GRIP1: variants seen among roughly 807,000 people sequenced by gnomAD.
GRIP1 encodes the protein glutamate receptor interacting protein 1, also known as glutamate receptor-interacting protein 1.
Under a neutral mutation model 129.9 loss-of-function variants are expected in GRIP1, and 45 were observed. That is an observed-to-expected ratio of 0.35 (90% CI 0.27 to 0.44). GRIP1 has a LOEUF of 0.44. GRIP1 is among the 20% of genes least tolerant of loss of function. The probability of loss-of-function intolerance (pLI) is 1.00; values close to 1 mark genes in which losing one functional copy is unlikely to be tolerated. For synonymous variants in GRIP1, 530 were observed against 520.8 expected, an observed-to-expected ratio of 1.02 and a Z score of -0.24; for missense variants, 1,196 against 1,396.8, an observed-to-expected ratio of 0.86 and a Z score of 2.29.
At chr12:66,660,832 G>C (rs2033453893) in intron 1 of GRIP1, among the ~76,000 whole-genome samples, 2 of 152,096 alleles carry the variant, frequency 1.3e-5, no homozygotes, top group South Asian at 4.1e-4. Flanking sequence ...ATGCCCATTA[G>C]AGTAGTGGCT....
At position 66,406,408 on chromosome 12, in the gene GRIP1, C is replaced by T; in HGVS notation, c.1859G>A (p.Gly620Glu). The change falls in exon 16 of 25, where the codon GGG (glycine) becomes GAG (glutamate). Residue 620 changes from glycine (G) to glutamate (E), a missense_variant. This residue lies in a region of GRIP1 where 508 missense variants were observed against 587.0 expected (regional missense o/e 0.87). Transcript: ENST00000359742. ...VAHRTGTLEL[G>E]DKLLAIDNIR... ...ATTATCTATTGCGAGCAATTTATCC[C>T]CAAGTTCCAGGGTCCCAGTTCTGTT... 1.2e-6 allele frequency: 2 copies of T among 1,614,098 alleles called. No individual in the cohort carries two copies. Among genetic ancestry groups the T allele is most frequent in the Non-Finnish European group, 1.7e-6 (2 of 1,179,988 alleles).
In GRIP1 at chr12:66,465,314, A is replaced by G. The variant is rs757656246; in HGVS notation, c.833T>C (p.Ile278Thr). 1 of 1,614,024 alleles carries G rather than the reference A, an allele frequency of 6.2e-7. No homozygotes were observed. Among genetic ancestry groups the G allele is most frequent in the Non-Finnish European group, 8.5e-7 (1 of 1,179,872 alleles). Residue 278 changes from isoleucine to threonine, a missense_variant, in exon 8 of 25, where the codon ATT (isoleucine) becomes ACT (threonine). By Grantham distance (89) the Ile-to-Thr change is moderately conservative (BLOSUM62 -1). Around this residue, in one of 5 missense-constraint regions of GRIP1, gnomAD observed 508 missense variants for 587.0 expected, o/e 0.87. Coordinates refer to ENST00000359742, the MANE Select transcript of GRIP1 (RefSeq NM_001366722.1). ...TGCAGATTTGATTTTGTCTATGACA[A>G]TGACTTGTTTGTTACAGCACATCGA... Reference protein sequence around the residue: ...TTSMCCNKQVIVIDKIKSASI... With the variant: ...TTSMCCNKQVTVIDKIKSASI...
intron 1 of GRIP1, among the ~76,000 whole-genome samples, chr12:66,706,459 G>A (rs189630972): frequency 2.6e-5 from 4 of 152,190 alleles, no homozygotes; most frequent in African/African-American, 7.2e-5. Flanking sequence ...ACAGTATGGC[G>A]ATTCCTCAAG....
chr12:66,989,032 C>G (rs959075956), intron 1 of GRIP1, among the ~76,000 whole-genome samples: 25 of 152,130 alleles, frequency 1.6e-4, no homozygotes, highest in Non-Finnish European at 5.9e-5. Flanking sequence ...GTGCAAAATT[C>G]CACCTTCTCA....
chr12:66,454,849 A>G (rs1378343609), intron 11 of GRIP1, among the ~76,000 whole-genome samples: 2 of 152,210 alleles, frequency 1.3e-5, no homozygotes, highest in Non-Finnish European at 2.9e-5. Flanking sequence ...CTTCTGGAAA[A>G]AGTATTGGAG....
chr12:66,608,392 G>A (rs1299691909), intron 1 of GRIP1, among the ~76,000 whole-genome samples: 1 of 152,160 alleles, frequency 6.6e-6, no homozygotes, highest in Non-Finnish European at 1.5e-5. Flanking sequence ...GAGTGCAGTG[G>A]TGTGATCTTG....
chr12:66,615,769 C>T (rs374633135), intron 1 of GRIP1, among the ~76,000 whole-genome samples: 4 of 152,240 alleles, frequency 2.6e-5, no homozygotes, highest in East Asian at 3.9e-4. Context: ...CTCAGCCTCC[C>T]GAGTAGCTGG....
intron 1 of GRIP1, among the ~76,000 whole-genome samples, chr12:66,833,964 G>A (rs1257563615): frequency 6.6e-6 from 1 of 152,094 alleles, no homozygotes; most frequent in Non-Finnish European, 1.5e-5. Context: ...GAGGTCAGGA[G>A]TTTGAGACCA....
intron 1 of GRIP1, among the ~76,000 whole-genome samples, chr12:66,959,579 G>A (rs1299495713): frequency 3.9e-5 from 6 of 152,060 alleles, no homozygotes; most frequent in South Asian, 2.1e-4. Flanking sequence ...TCTTGCCAGA[G>A]TATTTTTTCA....
chr12:66,677,048 G>T (rs1045637735), intron 1 of GRIP1, among the ~76,000 whole-genome samples: 13 of 152,154 alleles, frequency 8.5e-5, no homozygotes, highest in African/African-American at 1.2e-4. Flanking sequence ...ATTCTGCAAA[G>T]AGATTTTATT....
intron 13 of GRIP1, among the ~76,000 whole-genome samples, chr12:66,441,163 CA>C (rs2058461970): frequency 1.3e-5 from 2 of 152,192 alleles, no homozygotes; most frequent in African/African-American, 4.8e-5. Flanking sequence ...TGGCCAAATC[CA>C]AGGGACATTT....
intron 1 of GRIP1, among the ~76,000 whole-genome samples, chr12:67,030,317 A>G (rs2043004329): frequency 6.6e-6 from 1 of 152,064 alleles, no homozygotes; most frequent in Non-Finnish European, 1.5e-5. Flanking sequence ...CCATAGGGAA[A>G]TATAAGTTAT....
At chr12:67,040,835 C>G (rs1011831223) in intron 1 of GRIP1, among the ~76,000 whole-genome samples, 1 of 152,204 alleles carries the variant, frequency 6.6e-6, no homozygotes, top group South Asian at 2.1e-4. Context: ...TGCCCAGATA[C>G]TCAGTCAAAC....
At chr12:66,530,617 C>T (rs780155738) in intron 4 of GRIP1, among the ~76,000 whole-genome samples, 3 of 152,114 alleles carry the variant, frequency 2.0e-5, no homozygotes, top group Non-Finnish European at 4.4e-5. Flanking sequence ...AGTCACATTA[C>T]ATACATGTAT....
chr12:66,538,172 T>G (rs1338944620), intron 4 of GRIP1, among the ~76,000 whole-genome samples: 1 of 151,952 alleles, frequency 6.6e-6, no homozygotes, highest in Non-Finnish European at 1.5e-5. Flanking sequence ...ATCTTTGGTA[T>G]CAGATTGGCT....
At chr12:66,774,398 T>C (rs2037915389) in intron 1 of GRIP1, among the ~76,000 whole-genome samples, 1 of 152,198 alleles carries the variant, frequency 6.6e-6, no homozygotes, top group African/African-American at 2.4e-5. Flanking sequence ...AATATGAATG[T>C]GACACAACTG....
intron 1 of GRIP1, among the ~76,000 whole-genome samples, chr12:66,879,936 TAAGA>T (rs954779466): frequency 3.3e-5 from 5 of 151,896 alleles, no homozygotes; most frequent in African/African-American, 9.7e-5. Context: ...AACTGCAGTG[TAAGA>T]AAGAGTGAAC....
intron 1 of GRIP1, among the ~76,000 whole-genome samples, chr12:66,708,038 T>C (rs914975050): frequency 2.0e-5 from 3 of 152,018 alleles, no homozygotes; most frequent in Non-Finnish European, 4.4e-5. Context: ...TCCATAATAG[T>C]GTCTATTCTA....
At chr12:66,979,685 T>A (rs1370777390) in intron 1 of GRIP1, among the ~76,000 whole-genome samples, 1 of 152,170 alleles carries the variant, frequency 6.6e-6, no homozygotes, top group African/African-American at 2.4e-5. Context: ...GCAGATGTAA[T>A]CAAGTTAAGA....
Sources: allele counts gnomAD v4.1 joint callset (sites outside exome capture counted in the v4.1 genomes callset), GRCh38; gene constraint gnomAD v4.1.1; regional missense constraint gnomAD v4.1.1; transcripts MANE v1.5; gene names NCBI Gene and HGNC (gene_info 2026-07-23, HGNC 2026-07-21).